The following ANO3 variants were observed in gnomAD, a reference collection of about 807,000 sequenced individuals.
The protein encoded by ANO3 is anoctamin 3, also known as anoctamin-3.
ANO3 carries 99 observed loss-of-function variants against 144.8 expected under a neutral mutation model. The ratio of observed to expected loss-of-function variants is 0.68; its 90% CI spans 0.58 to 0.81. The LOEUF (loss-of-function observed/expected upper bound fraction) is 0.81. ANO3 is among the 30% of genes least tolerant of loss of function. ANO3 has a pLI of 0.00. For missense variants in ANO3, 905 were observed against 1,202.2 expected (o/e 0.75, Z 3.66); for synonymous variants, 414 against 392.6 (o/e 1.05, Z -0.64).
chr11:26,538,198 G>T (rs994229099), intron 10 of ANO3, among the ~76,000 whole-genome samples: 1 of 152,112 alleles, frequency 6.6e-6, no homozygotes, highest in Non-Finnish European at 1.5e-5. Flanking sequence ...TATATGGATT[G>T]TCTCATTTAA....
intron 14 of ANO3, among the ~76,000 whole-genome samples, chr11:26,580,381 C>T (rs904937296): frequency 6.6e-5 from 10 of 152,258 alleles, no homozygotes; most frequent in Middle Eastern, 3.4e-3. Flanking sequence ...GGCAGTATTA[C>T]GTACATTTTT....
chr11:26,580,127 G>C (rs994255858), intron 14 of ANO3, among the ~76,000 whole-genome samples: 1 of 122,984 alleles, frequency 8.1e-6, no homozygotes, highest in African/African-American at 3.0e-5. Flanking sequence ...TACACAAAAA[G>C]CAAAATCCAG....
intron 1 of ANO3, among the ~76,000 whole-genome samples, chr11:26,424,080 C>T (rs1857841943): frequency 6.6e-6 from 1 of 151,702 alleles, no homozygotes; most frequent in South Asian, 2.1e-4. Flanking sequence ...AAGTAATTAA[C>T]CTCCCAAAGA....
chr11:26,223,340 T>C (rs1345822825), intron 1 of ANO3, among the ~76,000 whole-genome samples: 2 of 152,118 alleles, frequency 1.3e-5, no homozygotes, highest in Non-Finnish European at 2.9e-5. Flanking sequence ...CCCAAATAAA[T>C]TACTCATTTT....
chr11:26,235,160 C>A (rs73439645), intron 1 of ANO3, among the ~76,000 whole-genome samples: 2,429 of 152,248 alleles, frequency 0.016, 81 homozygotes, highest in African/African-American at 0.056. Flanking sequence ...AAATTCTAAC[C>A]TTTTCTGGAA....
rs541347016 is a variant in ANO3, at chr11:26,377,959, A to T, written c.46+45638A>T. On this transcript the variant is annotated intron_variant, in intron 1 of 26. Coordinates refer to ENST00000256737, the MANE Select transcript of ANO3 (RefSeq NM_031418.4). ...TAATGTGAAAGGAAGACATTTGCAG[A>T]GAATAAAAAACTGAGTTTTTTAATA... is the stretch of plus-strand genomic sequence containing the variant. Among the ~76,000 whole-genome samples, 4 of 152,254 alleles carry T rather than the reference A, an allele frequency of 2.6e-5. No homozygotes were observed. In the East Asian group the frequency reaches 7.7e-4, roughly 29 times the overall value.
chr11:26,466,716 C>T (rs2134064024), intron 4 of ANO3, among the ~76,000 whole-genome samples: 1 of 151,966 alleles, frequency 6.6e-6, no homozygotes, highest in Middle Eastern at 3.4e-3. Flanking sequence ...GAAGAGCTAC[C>T]CCGCTGAGTC....
At chr11:26,353,096 C>T (rs1016409431) in intron 1 of ANO3, among the ~76,000 whole-genome samples, 2 of 152,146 alleles carry the variant, frequency 1.3e-5, no homozygotes, top group African/African-American at 2.4e-5. Flanking sequence ...GGGTTTGGAG[C>T]GTCTGTCTTT....
At chr11:26,544,144 C>A (rs1352705612) in intron 11 of ANO3, among the ~76,000 whole-genome samples, 1 of 150,374 alleles carries the variant, frequency 6.7e-6, no homozygotes, top group South Asian at 2.1e-4. Flanking sequence ...TCAATAGTTA[C>A]ATTTACTTAG....
At chr11:26,613,353 A>C (rs1050141748) in intron 17 of ANO3, among the ~76,000 whole-genome samples, 5 of 152,050 alleles carry the variant, frequency 3.3e-5, no homozygotes, top group Non-Finnish European at 5.9e-5. Flanking sequence ...TTTTATGTCT[A>C]TCTTTTTATT....
chr11:26,190,759 T>G (rs1034735790), intron 1 of ANO3, among the ~76,000 whole-genome samples: 3 of 152,166 alleles, frequency 2.0e-5, no homozygotes, highest in Non-Finnish European at 4.4e-5. Flanking sequence ...AGTGCAGGTA[T>G]AATGTCATTT....
chr11:26,250,158 T>C (rs549933536), intron 1 of ANO3, among the ~76,000 whole-genome samples: 3 of 152,362 alleles, frequency 2.0e-5, no homozygotes, highest in African/African-American at 7.2e-5. Context: ...TAACTGTCTC[T>C]ACTACTTGCT....
intron 1 of ANO3, among the ~76,000 whole-genome samples, chr11:26,339,381 C>T (rs747835425): frequency 6.6e-6 from 1 of 152,148 alleles, no homozygotes; most frequent in Non-Finnish European, 1.5e-5. Context: ...TCTCAAACTC[C>T]TGACCCAGGC....
chr11:26,503,427 G>T (rs910712797), intron 4 of ANO3, among the ~76,000 whole-genome samples: 7 of 151,992 alleles, frequency 4.6e-5, no homozygotes, highest in Non-Finnish European at 8.8e-5. Context: ...TTGAACATGG[G>T]TTAATTAACA....
chr11:26,554,726 T>C (rs980313078), intron 13 of ANO3, among the ~76,000 whole-genome samples: 7 of 152,222 alleles, frequency 4.6e-5, no homozygotes, highest in Admixed American at 4.6e-4. Flanking sequence ...CCTTGACAGA[T>C]GGTTTCCTTG....
At chr11:26,608,927 G>A (rs1590626922) in intron 17 of ANO3, among the ~76,000 whole-genome samples, 1 of 152,194 alleles carries the variant, frequency 6.6e-6, no homozygotes, top group Non-Finnish European at 1.5e-5. Context: ...AGAGCTCAAA[G>A]GGCTTAGACA....
chr11:26,534,534 C>A lies in ANO3; in HGVS notation c.948C>A (p.Thr316=), dbSNP rs1849455071. ...TAGTCTATCACATGCTGGAACGCAC[C>A]AAATATGAAAATGGAATATCAAAAG... ...SRIVYHMLER[T]KYENGISKVG... Residue 316 remains threonine (T), a synonymous_variant, in exon 9 of 27, where the codon ACC becomes ACA. Transcript: ENST00000256737. 6.2e-6 allele frequency: 10 copies of A among 1,611,452 alleles called. No individual in the cohort carries two copies. Among genetic ancestry groups the A allele is most frequent in the Non-Finnish European group, 7.6e-6 (9 of 1,178,338 alleles).
chr11:26,327,071 C>T (rs896528246), intron 1 of ANO3, among the ~76,000 whole-genome samples: 16 of 152,174 alleles, frequency 1.1e-4, no homozygotes, highest in Admixed American at 7.8e-4. Context: ...TTTCAAAGTG[C>T]AATTAGCACA....
chr11:26,473,238 A>C (rs1263891977), intron 4 of ANO3, among the ~76,000 whole-genome samples: 1 of 151,990 alleles, frequency 6.6e-6, no homozygotes, highest in African/African-American at 2.4e-5. Context: ...TGTCAGTTCC[A>C]ATTACAAGCT....
Sources: allele counts gnomAD v4.1 joint callset (sites outside exome capture counted in the v4.1 genomes callset), GRCh38; gene constraint gnomAD v4.1.1; transcripts MANE v1.5; gene names NCBI Gene and HGNC (gene_info 2026-07-23, HGNC 2026-07-21).